Variants in GDPD4 observed in about 807,000 individuals in gnomAD.
GDPD4 encodes glycerophosphodiester phosphodiesterase 6.
Under a neutral mutation model 67.8 loss-of-function variants are expected in GDPD4, and 60 were observed. That is an observed-to-expected ratio of 0.88 (90% CI 0.72 to 1.10). The LOEUF (loss-of-function observed/expected upper bound fraction) is 1.10. GDPD4 is among the 50% of genes least tolerant of loss of function. The pLI is 0.00. For missense variants in GDPD4, 623 were observed against 613.9 expected, an observed-to-expected ratio of 1.01 and a Z score of -0.16; for synonymous variants, 212 against 210.9, an observed-to-expected ratio of 1.00 and a Z score of -0.04.
intron 13 of GDPD4, among the ~76,000 whole-genome samples, chr11:77,237,091 A>C (rs576997711): frequency 2.0e-5 from 3 of 152,342 alleles, no homozygotes; most frequent in Admixed American, 2.0e-4. Context: ...CATGACACAT[A>C]AACTAGATAA....
At chr11:77,220,574 T>A (rs4362171) in intron 16 of GDPD4, among the ~76,000 whole-genome samples, 136,079 of 152,220 alleles carry the variant, frequency 0.89, 61,003 homozygotes, top group Middle Eastern at 0.93. Flanking sequence ...CTTGGTAGAT[T>A]AGCTTTTTGA....
At chr11:77,276,074 C>A in intron 5 of GDPD4, 87 bp downstream of exon 5, 1 of 925,028 alleles carries the variant, frequency 1.1e-6, no homozygotes. Context: ...ACCCCATACA[C>A]AAAACTGAGT....
At chr11:77,267,268 G>GC (rs1358232264) in intron 10 of GDPD4, among the ~76,000 whole-genome samples, 8 of 152,200 alleles carry the variant, frequency 5.3e-5, no homozygotes, top group African/African-American at 1.9e-4. Context: ...TGCCATCTAG[G>GC]TTTGTGTAAG....
intron 11 of GDPD4, among the ~76,000 whole-genome samples, chr11:77,246,807 G>A (rs752415243): frequency 6.6e-6 from 1 of 152,040 alleles, no homozygotes; most frequent in Non-Finnish European, 1.5e-5. Flanking sequence ...TCTTTGAAAC[G>A]CACAGCATTT....
chr11:77,227,284 T>A (rs1299843433), intron 16 of GDPD4, among the ~76,000 whole-genome samples: 2 of 152,218 alleles, frequency 1.3e-5, no homozygotes, highest in Admixed American at 1.3e-4. Flanking sequence ...TAACTGCCAA[T>A]ATGCAGTGAC....
rs956587224 is a variant in GDPD4 at position 77,244,322 on chromosome 11, G to A, written c.1087-474C>T. Among the ~76,000 whole-genome samples the A allele has an allele frequency of 3.3e-5, 5 of 152,072 alleles. 1 individual carries two copies. The highest frequency in any genetic ancestry group is 1.9e-4 in the East Asian group (1 of 5,158). ...GCTGGGATTACAGGCGTGAGCCACC[G>A]CGCCCAGCCCTGGGCTAGTATCTTC... is the stretch of plus-strand genomic sequence containing the variant. On this transcript the variant is annotated intron_variant, in intron 12 of 16. Transcript: ENST00000315938.
chr11:77,249,689 G>A (rs897817983), intron 11 of GDPD4, among the ~76,000 whole-genome samples: 2 of 152,158 alleles, frequency 1.3e-5, no homozygotes, highest in African/African-American at 4.8e-5. Context: ...AACCATCACT[G>A]ACAAATTCCT....
At chr11:77,220,666 CTT>C (rs139358231) in intron 16 of GDPD4, among the ~76,000 whole-genome samples, 125,750 of 151,478 alleles carry the variant, frequency 0.83, 52,199 homozygotes, top group South Asian at 0.87. Flanking sequence ...CTAAAATTCT[CTT>C]TTTTTGTTGT....
intron 3 of GDPD4, among the ~76,000 whole-genome samples, chr11:77,282,657 A>T (rs1959813704): frequency 6.6e-6 from 1 of 151,996 alleles, no homozygotes; most frequent in East Asian, 1.9e-4. Context: ...ACTGCACTCC[A>T]GCCTGGGCAA....
intron 11 of GDPD4, among the ~76,000 whole-genome samples, chr11:77,253,592 T>C (rs890783828): frequency 6.6e-6 from 1 of 152,108 alleles, no homozygotes; most frequent in African/African-American, 2.4e-5. Context: ...TTTGTTTCCC[T>C]GGGATGAAGG....
At chr11:77,300,414 TTTTATA>T (rs1288777027) in intron 1 of GDPD4, among the ~76,000 whole-genome samples, 1 of 151,998 alleles carries the variant, frequency 6.6e-6, no homozygotes, top group Non-Finnish European at 1.5e-5. Context: ...AAAAAGAAAA[TTTTATA>T]TTTGAGTGCT....
intron 1 of GDPD4, among the ~76,000 whole-genome samples, chr11:77,293,995 C>T (rs2135896289): frequency 6.6e-6 from 1 of 152,142 alleles, no homozygotes; most frequent in Middle Eastern, 3.4e-3. Flanking sequence ...TAGAAAATCT[C>T]CAAAATTCTA....
intron 11 of GDPD4, among the ~76,000 whole-genome samples, chr11:77,252,087 A>G (rs1241227388): frequency 3.1e-5 from 4 of 130,744 alleles, no homozygotes; most frequent in Admixed American, 8.5e-5. Context: ...TTTTTGAGAC[A>G]GAGTCTTGCT....
At chr11:77,288,019 G>A (rs748944264) in intron 1 of GDPD4, among the ~76,000 whole-genome samples, 27 of 152,128 alleles carry the variant, frequency 1.8e-4, no homozygotes, top group Non-Finnish European at 2.9e-4. Context: ...GCTTCACAAT[G>A]GCACTAAGAA....
intron 4 of GDPD4, among the ~76,000 whole-genome samples, chr11:77,276,462 C>T (rs756333124): frequency 5.3e-5 from 8 of 152,140 alleles, no homozygotes; most frequent in African/African-American, 1.9e-4. Flanking sequence ...AACTTTCACC[C>T]GCAACCTCAG....
rs561866097 is a variant in GDPD4, at chr11:77,301,363, T to C, written c.-254+242A>G. On this transcript the variant is annotated intron_variant, in intron 1 of 16. Coordinates refer to ENST00000315938, the MANE Select transcript of GDPD4 (RefSeq NM_182833.3). ...CGCCCAGGATTGGCATAGTCGAAGC[T>C]GATTTTTATCCCCTTCGCCATTAAC... Among the ~76,000 whole-genome samples the C allele has an allele frequency of 2.6e-5, 4 of 152,274 alleles. No individual in the cohort carries two copies. The East Asian group carries it at 7.7e-4, about 29-fold the overall frequency.
intron 16 of GDPD4, among the ~76,000 whole-genome samples, chr11:77,221,865 CTAAG>C (rs57360583): frequency 0.013 from 35 of 2,614 alleles, no homozygotes; most frequent in Non-Finnish European, 0.041. Context: ...GTGTTGGAGT[CTAAG>C]TCTCTTTGTA....
intron 1 of GDPD4, among the ~76,000 whole-genome samples, chr11:77,293,337 T>C (rs1591583959): frequency 6.6e-6 from 1 of 152,344 alleles, no homozygotes; most frequent in African/African-American, 2.4e-5. Context: ...CTCACTTCTG[T>C]AATCCTACAA....
intron 1 of GDPD4, among the ~76,000 whole-genome samples, chr11:77,301,149 TAC>T (rs1431800736): frequency 6.6e-6 from 1 of 152,248 alleles, no homozygotes; most frequent in African/African-American, 2.4e-5. Context: ...CTCTGAATTC[TAC>T]ACTCATATAT....
Sources: gnomAD v4.1 joint callset for allele counts (sites outside exome capture counted in the v4.1 genomes callset) on GRCh38, gnomAD v4.1.1 for gene constraint, MANE v1.5 for transcripts, NCBI Gene and HGNC (gene_info 2026-07-23, HGNC 2026-07-21) for gene names.